The following RBP3 variants were observed in gnomAD, a reference collection of about 807,000 sequenced individuals.
RBP3 encodes the protein retinol-binding protein 3.
RBP3 carries 50 observed loss-of-function variants against 64.8 expected under a neutral mutation model. The observed-to-expected ratio is 0.77, with a 90% CI of 0.61 to 0.98. The LOEUF is 0.98. Among genes scored for constraint, RBP3 ranks in the 50% least tolerant of loss-of-function variants. RBP3 has a pLI of 0.00. For synonymous variants in RBP3, 828 were observed against 730.2 expected (o/e 1.13, Z -2.16); for missense variants, 1,712 against 1,660.5 (o/e 1.03, Z -0.54).
chr10:47,350,334 T>C lies in RBP3; in HGVS notation c.1850T>C (p.Val617Ala). The C allele has an allele frequency of 6.2e-7, 1 of 1,611,672 alleles. No homozygotes were observed. The highest frequency in any genetic ancestry group is 1.3e-5 in the African/African-American group (1 of 75,060). The change falls in exon 1 of 4, where the codon GTG becomes GCG. Residue 617 changes from valine to alanine, a missense_variant. Physicochemically the swap from Val to Ala is moderately conservative, Grantham distance 64. Coordinates refer to ENST00000584701, the MANE Select transcript of RBP3 (RefSeq NM_002900.3). ...LGGGVVPDAI[V>A]LAEEALDKAQ... ...GGTGGAGTGGTGCCCGATGCCATCGTGCTGGCCGAGGAGGCCCTGGACAAA... is the reference window on the plus strand; with the variant it reads ...GGTGGAGTGGTGCCCGATGCCATCGCGCTGGCCGAGGAGGCCCTGGACAAA...
chr10:47,352,347 C>T (rs546545919), intron 1 of RBP3, among the ~76,000 whole-genome samples: 3 of 152,228 alleles, frequency 2.0e-5, no homozygotes, highest in Non-Finnish European at 1.5e-5. Flanking sequence ...TGAGACATGC[C>T]TCAGGGTGGG....
chr10:47,352,666 G>A (rs1836993111), intron 1 of RBP3, among the ~76,000 whole-genome samples: 1 of 152,256 alleles, frequency 6.6e-6, no homozygotes, highest in South Asian at 2.1e-4. Flanking sequence ...CAGCCTTAGA[G>A]AGGGAGGAGG....
chr10:47,354,020 T>A (rs1203744565), intron 2 of RBP3, among the ~76,000 whole-genome samples: 1 of 152,214 alleles, frequency 6.6e-6, no homozygotes, highest in Non-Finnish European at 1.5e-5. Context: ...ATATGAATCG[T>A]ACAGGCAGAA....
In RBP3 at chr10:47,349,555, G is replaced by T; in HGVS notation, c.1071G>T (p.Met357Ile). 1 of 1,613,066 alleles carries T rather than the reference G, an allele frequency of 6.2e-7. No homozygotes were observed. The highest frequency in any genetic ancestry group is 8.5e-7 in the Non-Finnish European group (1 of 1,180,014). ...VPTLLQHLAS[M>I]DFSTVVSEED... ...CCCTGCTGCAGCACTTGGCCAGCAT[G>T]GACTTCTCCACGGTGGTCTCCGAGG... Residue 357 changes from methionine to isoleucine, a missense_variant, in exon 1 of 4, where the codon ATG (methionine) becomes ATT (isoleucine). Transcript: ENST00000584701.
rs34460089 is a variant in RBP3 at position 47,350,668 on chromosome 10, C to T, written c.2184C>T (p.Tyr728=). 9.2e-5 allele frequency: 148 copies of T among 1,612,850 alleles called. No homozygotes were observed. The highest frequency in any genetic ancestry group is 3.3e-4 in the Middle Eastern group (2 of 6,082). ...PAVPSPEELT[Y]LIEALFKTEV... Reference sequence around the variant, plus strand: ...TCCCCTCTCCAGAGGAGCTCACCTACCTTATTGAGGCCCTGTTCAAGACAG... The same window carrying T: ...TCCCCTCTCCAGAGGAGCTCACCTATCTTATTGAGGCCCTGTTCAAGACAG... The change falls in exon 1 of 4, where the codon TAC becomes TAT. Residue 728 remains tyrosine (Y), a synonymous_variant. Transcript: ENST00000584701.
rs150434097 is a variant in RBP3 at position 47,349,509 on chromosome 10, C to T, written c.1025C>T (p.Thr342Met). The change falls in exon 1 of 4, where the codon ACG (threonine) becomes ATG (methionine). Residue 342 changes from threonine (T) to methionine (M), a missense_variant. Transcript: ENST00000584701. ...CAGGAGGTCCTGAAGGACTACTACA[C>T]GCTGGTGGACCGTGTGCCCACCCTG... Reference protein sequence around the residue: ...CLQEVLKDYYTLVDRVPTLLQ... With the variant: ...CLQEVLKDYYMLVDRVPTLLQ... 2.4e-5 allele frequency: 38 copies of T among 1,612,900 alleles called. No homozygotes were observed. The highest frequency in any genetic ancestry group is 1.1e-4 in the East Asian group (5 of 44,890).
In RBP3 at chr10:47,353,162, T is replaced by A. The variant is rs142958330; in HGVS notation, c.3055-163T>A. Among the ~76,000 whole-genome samples the A allele has an allele frequency of 5.7e-4, 87 of 152,160 alleles. 1 individual carries two copies. In the Middle Eastern group the frequency reaches 0.01, roughly 18 times the overall value. Reference sequence around the variant, plus strand: ...AGATCACACATGTCCCAGTGGCATGTCACATCCAGACATGCCACTGGGAAA... The same window carrying A: ...AGATCACACATGTCCCAGTGGCATGACACATCCAGACATGCCACTGGGAAA... On this transcript the variant is annotated intron_variant, in intron 1 of 3. Transcript: ENST00000584701.
intron 2 of RBP3, among the ~76,000 whole-genome samples, 177 bp from the exon 3 acceptor site, chr10:47,355,199 C>G (rs1837029030): frequency 6.6e-6 from 1 of 152,192 alleles, no homozygotes; most frequent in Non-Finnish European, 1.5e-5. Context: ...GACTAGTACT[C>G]TTGGAAATAC....
In RBP3 at chr10:47,353,319, T is replaced by C; in HGVS notation, c.3055-6T>C. On this transcript the variant is annotated splice_polypyrimidine_tract_variant and splice_region_variant and intron_variant, in intron 1 of 3. Coordinates refer to ENST00000584701, the MANE Select transcript of RBP3 (RefSeq NM_002900.3). ...TGACACTGAGTAGGACCTCCAACTC[T>C]TACAGATCCCTTCCCCTGAAGTATT... The C allele has an allele frequency of 6.2e-7, 1 of 1,613,938 alleles. No individual in the cohort carries two copies. Among genetic ancestry groups the C allele is most frequent in the Non-Finnish European group, 8.5e-7 (1 of 1,179,968 alleles).
In RBP3 at chr10:47,348,453, T is replaced by G; in HGVS notation, c.-32T>G. On this transcript the variant is annotated 5_prime_UTR_variant, in exon 1 of 4. Coordinates refer to ENST00000584701, the MANE Select transcript of RBP3 (RefSeq NM_002900.3). ...CCTTGCACACAGTCCAGGGAGCTTTTGTGCAGGAGCCAGGCCTCCCCCTGG... is the reference window on the plus strand; with the variant it reads ...CCTTGCACACAGTCCAGGGAGCTTTGGTGCAGGAGCCAGGCCTCCCCCTGG... The G allele has an allele frequency of 6.3e-7, 1 of 1,597,230 alleles. No individual in the cohort carries two copies. Among genetic ancestry groups the G allele is most frequent in the Non-Finnish European group, 8.5e-7 (1 of 1,179,206 alleles).
At position 47,355,522 on chromosome 10, in the gene RBP3, C is replaced by G. The variant is rs375541479; in HGVS notation, c.3388+4C>G. On this transcript the variant is annotated splice_donor_region_variant and intron_variant, in intron 3 of 3. Coordinates refer to ENST00000584701, the MANE Select transcript of RBP3 (RefSeq NM_002900.3). ...TGGACACACGCCCAGGTTGTAGGTA[C>G]GTGGAGAAGCTTTCTCCTTTCTGCT... The G allele has an allele frequency of 1.9e-6, 3 of 1,614,160 alleles. No individual in the cohort carries two copies. The South Asian group carries it at 3.3e-5, about 18-fold the overall frequency.
intron 1 of RBP3, among the ~76,000 whole-genome samples, chr10:47,352,299 C>T (rs938402762): frequency 6.6e-6 from 1 of 152,172 alleles, no homozygotes; most frequent in African/African-American, 2.4e-5. Context: ...GCAGGCAGGG[C>T]CCAGTGGTTC....
rs1555211914 is a variant in RBP3, at chr10:47,355,432, A to T, written c.3302A>T (p.Asp1101Val). ...CCCATCTTGTGCTCCTACTTCTTTGATGAAGGCCCTCCAGTTCTGCTGGAC... is the reference window on the plus strand; with the variant it reads ...CCCATCTTGTGCTCCTACTTCTTTGTTGAAGGCCCTCCAGTTCTGCTGGAC... ...SIPILCSYFFDEGPPVLLDKI... is the reference protein window; with the variant it reads ...SIPILCSYFFVEGPPVLLDKI... Residue 1101 changes from aspartate to valine, a missense_variant, in exon 3 of 4, where the codon GAT becomes GTT. Physicochemically the swap from Asp to Val is radical, Grantham distance 152. Transcript: ENST00000584701. The T allele has an allele frequency of 6.2e-7, 1 of 1,614,040 alleles. No homozygotes were observed. Among genetic ancestry groups the T allele is most frequent in the African/African-American group, 1.3e-5 (1 of 74,918 alleles).
At chr10:47,352,579 G>A (rs1199637255) in intron 1 of RBP3, among the ~76,000 whole-genome samples, 2 of 152,244 alleles carry the variant, frequency 1.3e-5, no homozygotes, top group African/African-American at 4.8e-5. Context: ...TGAGGGCAGG[G>A]CAGGGCCTGG....
rs143857049 is a variant in RBP3, at chr10:47,349,691, G to A, written c.1207G>A (p.Ala403Thr). 589 of 1,611,512 alleles carry A rather than the reference G, an allele frequency of 3.7e-4. No homozygotes were observed. The highest frequency in any genetic ancestry group is 4.7e-4 in the Non-Finnish European group (549 of 1,180,014). The stretch of plus-strand genomic sequence containing the variant: ...AACTCCTTCTTGGCCCGCGCCCGAC[G>A]CTGCAGCCGAAGACTCACCAGGGGT... ...TETPSWPAPD[A>T]AAEDSPGVAP... Residue 403 changes from alanine (A) to threonine (T), a missense_variant, in exon 1 of 4, where the codon GCT becomes ACT. Physicochemically the swap from Ala to Thr is moderately conservative, Grantham distance 58. Transcript: ENST00000584701.
rs782187246 is a variant in RBP3 at position 47,350,780 on chromosome 10, C to T, written c.2296C>T (p.Arg766Trp). 11 of 1,612,980 alleles carry T rather than the reference C, an allele frequency of 6.8e-6. No individual in the cohort carries two copies. The highest frequency in any genetic ancestry group is 1.3e-5 in the African/African-American group (1 of 75,060). ...TVKAVGPQLV[R>W]LVWQQLVDTA... ...GAAGGCCGTGGGGCCACAGCTGGTG[C>T]GGCTGGTATGGCAACAGCTGGTGGA... Residue 766 changes from arginine to tryptophan, a missense_variant, in exon 1 of 4, where the codon CGG (arginine) becomes TGG (tryptophan). Physicochemically the swap from Arg to Trp is moderately radical, Grantham distance 101. Transcript: ENST00000584701.
chr10:47,355,369 C>T lies in RBP3; in HGVS notation c.3246-7C>T. On this transcript the variant is annotated splice_region_variant and splice_polypyrimidine_tract_variant and intron_variant, in intron 2 of 3. Coordinates refer to ENST00000584701, the MANE Select transcript of RBP3 (RefSeq NM_002900.3). The stretch of plus-strand genomic sequence containing the variant: ...CCCCTGAACAGGCTCTGCTTCCCAT[C>T]CTTCAGGTTCAACATCGGTGGCCCC... The T allele has an allele frequency of 6.2e-7, 1 of 1,613,682 alleles. No homozygotes were observed. The highest frequency in any genetic ancestry group is 1.1e-5 in the South Asian group (1 of 91,052).
rs115562835 is a variant in RBP3, at chr10:47,348,562, C to T, written c.78C>T (p.Ser26=). 2,980 of 1,612,848 alleles carry T rather than the reference C, an allele frequency of 1.8e-3. 56 individuals carry two copies. The African/African-American group carries it at 0.034, about 18-fold the overall frequency. Residue 26 remains serine, a synonymous_variant, in exon 1 of 4, where the codon AGC becomes AGT. Transcript: ENST00000584701. The stretch of plus-strand genomic sequence containing the variant: ...GCCCCACACACCTGTTCCAGCCAAG[C>T]CTGGTGCTGGACATGGCCAAGGTCC... The part of the protein sequence containing the change: ...LAGPTHLFQP[S]LVLDMAKVLL...
rs782532814 is a variant in RBP3, at chr10:47,350,497, C to T, written c.2013C>T (p.Gly671=). ...SALLRAKLAQ[G]AYRTAVDLES... ...TCCTGCGGGCCAAGCTGGCCCAGGGCGCCTACCGCACAGCTGTGGACTTGG... is the reference window on the plus strand; with the variant it reads ...TCCTGCGGGCCAAGCTGGCCCAGGGTGCCTACCGCACAGCTGTGGACTTGG... Residue 671 remains glycine, a synonymous_variant, in exon 1 of 4, where the codon GGC becomes GGT. Transcript: ENST00000584701. 2.0e-5 allele frequency: 32 copies of T among 1,612,558 alleles called. No homozygotes were observed. Among genetic ancestry groups the T allele is most frequent in the East Asian group, 4.5e-5 (2 of 44,880 alleles).
Sources: gnomAD v4.1 joint callset for allele counts (sites outside exome capture counted in the v4.1 genomes callset) on GRCh38, gnomAD v4.1.1 for gene constraint, MANE v1.5 for transcripts, NCBI Gene and HGNC (gene_info 2026-07-23, HGNC 2026-07-21) for gene names.